Variants in GABRA1 observed in about 807,000 individuals in gnomAD.
GABRA1 encodes the protein gamma-aminobutyric acid type A receptor subunit alpha1, also known as gamma-aminobutyric acid receptor subunit alpha-1.
GABRA1 carries 9 observed loss-of-function variants against 48.9 expected under a neutral mutation model. The ratio of observed to expected loss-of-function variants is 0.18; its 90% CI spans 0.11 to 0.32. The LOEUF (loss-of-function observed/expected upper bound fraction) is 0.32. Ranked by LOEUF, GABRA1 falls within the 10% of genes least tolerant of loss-of-function variation. The pLI is 1.00. For missense variants in GABRA1, 285 were observed against 553.8 expected, an observed-to-expected ratio of 0.51 and a Z score of 4.87; for synonymous variants, 210 against 198.7, an observed-to-expected ratio of 1.06 and a Z score of -0.48.
At chr5:161,890,628 T>G (rs993819218) in intron 7 of GABRA1, among the ~76,000 whole-genome samples, 2 of 152,058 alleles carry the variant, frequency 1.3e-5, no homozygotes, top group African/African-American at 4.8e-5. Flanking sequence ...AAACTCAGAT[T>G]TGTTCCTCCA....
At chr5:161,856,644 G>A (rs1042302759) in intron 3 of GABRA1, among the ~76,000 whole-genome samples, 1 of 150,656 alleles carries the variant, frequency 6.6e-6, no homozygotes, top group Admixed American at 6.6e-5. Flanking sequence ...TGAGATTTAT[G>A]AAAAAAACTT....
At chr5:161,877,105 G>T (rs1754389708) in intron 6 of GABRA1, among the ~76,000 whole-genome samples, 1 of 151,948 alleles carries the variant, frequency 6.6e-6, no homozygotes, top group Admixed American at 6.6e-5. Flanking sequence ...TGGCTGATTT[G>T]TAACTTTTTT....
At chr5:161,848,690 GTCTT>G (rs1189576326) in intron 1 of GABRA1, 2 of 250,772 alleles carry the variant, frequency 8.0e-6, no homozygotes, top group Non-Finnish European at 1.6e-5. Flanking sequence ...TTTTCCCGCT[GTCTT>G]TCTTCTTTTC....
intron 6 of GABRA1, among the ~76,000 whole-genome samples, chr5:161,881,551 T>C (rs913751540): frequency 6.6e-6 from 1 of 152,172 alleles, no homozygotes; most frequent in Non-Finnish European, 1.5e-5. Flanking sequence ...ATAAGAAGGA[T>C]AATCAGTAGA....
intron 4 of GABRA1, among the ~76,000 whole-genome samples, chr5:161,866,169 A>G (rs1291919707): frequency 6.6e-6 from 1 of 152,108 alleles, no homozygotes; most frequent in East Asian, 1.9e-4. Flanking sequence ...ATGGCCATAA[A>G]CATTATGATT....
intron 4 of GABRA1, among the ~76,000 whole-genome samples, chr5:161,870,806 GT>G (rs1365829578): frequency 1.3e-5 from 2 of 152,162 alleles, no homozygotes; most frequent in East Asian, 3.9e-4. Context: ...CACAGGGAGA[GT>G]TCTCAGAAAT....
At chr5:161,887,265 A>G in intron 7 of GABRA1, among the ~76,000 whole-genome samples, 1 of 152,164 alleles carries the variant, frequency 6.6e-6, no homozygotes. Context: ...TCGTCTCTGC[A>G]TGAGTTGATG....
chr5:161,879,153 G>C (rs1754498553), intron 6 of GABRA1, among the ~76,000 whole-genome samples: 1 of 152,130 alleles, frequency 6.6e-6, no homozygotes, highest in South Asian at 2.1e-4. Flanking sequence ...CTGTTGCCCA[G>C]GCTGGAGTGC....
intron 4 of GABRA1, among the ~76,000 whole-genome samples, chr5:161,869,778 G>A (rs867082619): frequency 6.6e-6 from 1 of 152,144 alleles, no homozygotes; most frequent in South Asian, 2.1e-4. Flanking sequence ...CACTTGAGTG[G>A]TGGGGGCTGG....
intron 3 of GABRA1, among the ~76,000 whole-genome samples, chr5:161,857,590 A>G (rs1383467098): frequency 6.6e-6 from 1 of 151,648 alleles, no homozygotes; most frequent in Non-Finnish European, 1.5e-5. Context: ...AGGTATCTCC[A>G]GGAAGGGATT....
Position 161,897,356 on chromosome 5 carries a change from C to T in GABRA1, c.1305C>T (p.Asn435=), listed in dbSNP as rs1755416175. 5 of 1,614,046 alleles carry T rather than the reference C, an allele frequency of 3.1e-6. No individual in the cohort carries two copies. The highest frequency in any genetic ancestry group is 2.2e-5 in the South Asian group (2 of 91,088). Residue 435 remains asparagine, a synonymous_variant, in exon 10 of 10, where the codon AAC becomes AAT. Coordinates refer to ENST00000393943, the MANE Select transcript of GABRA1 (RefSeq NM_001127644.2). The part of the protein sequence containing the change: ...IAFPLLFGIF[N]LVYWATYLNR... Reference sequence around the variant, plus strand: ...TCCCGCTGCTATTTGGAATCTTTAACTTAGTCTACTGGGCTACGTATTTAA... The same window carrying T: ...TCCCGCTGCTATTTGGAATCTTTAATTTAGTCTACTGGGCTACGTATTTAA...
intron 1 of GABRA1, chr5:161,848,738 C>A: frequency 7.1e-6 from 2 of 283,584 alleles, no homozygotes; most frequent in Non-Finnish European, 1.4e-5. Context: ...TGAATGTATT[C>A]CGCAGGGTGG....
intron 3 of GABRA1, 36 bp from the exon 4 acceptor site, chr5:161,865,685 A>G (rs777851798): frequency 2.6e-6 from 4 of 1,562,952 alleles, no homozygotes; most frequent in East Asian, 2.2e-5. Flanking sequence ...AGGACGGTTG[A>G]CAGACACTCA....
intron 3 of GABRA1, among the ~76,000 whole-genome samples, chr5:161,861,059 C>T (rs945724184): frequency 1.3e-5 from 2 of 151,646 alleles, no homozygotes; most frequent in East Asian, 1.9e-4. Context: ...TCACAGAATG[C>T]CATTTTTGGA....
chr5:161,875,987 T>C (rs1489428490), intron 6 of GABRA1, among the ~76,000 whole-genome samples: 1 of 152,172 alleles, frequency 6.6e-6, no homozygotes, highest in Non-Finnish European at 1.5e-5. Context: ...GTGTCTATTT[T>C]ATATCTTTAC....
At position 161,865,770 on chromosome 5, in the gene GABRA1, C is replaced by T. The variant is rs536603724; in HGVS notation, c.237C>T (p.Pro79=). 6.8e-6 allele frequency: 11 copies of T among 1,612,412 alleles called. No homozygotes were observed. Among genetic ancestry groups the T allele is most frequent in the Admixed American group, 5.0e-5 (3 of 59,936 alleles). The change falls in exon 4 of 10, where the codon CCC becomes CCT. Residue 79 remains proline, a synonymous_variant. Coordinates refer to ENST00000393943, the MANE Select transcript of GABRA1 (RefSeq NM_001127644.2). ...ATATCTTCGTCACCAGTTTCGGACC[C>T]GTTTCAGACCATGATATGGTAAGTG... ...KTDIFVTSFG[P]VSDHDMEYTI...
chr5:161,849,514 G>T (rs984020773), intron 1 of GABRA1, among the ~76,000 whole-genome samples: 5 of 151,902 alleles, frequency 3.3e-5, no homozygotes, highest in Admixed American at 3.3e-4. Flanking sequence ...AGACCATTTC[G>T]CTCTAAACAT....
intron 8 of GABRA1, among the ~76,000 whole-genome samples, chr5:161,891,345 TA>T (rs1201605401): frequency 6.6e-6 from 1 of 152,090 alleles, no homozygotes; most frequent in African/African-American, 2.4e-5. Context: ...AACTCATAAA[TA>T]AAAACTTAAT....
intron 3 of GABRA1, among the ~76,000 whole-genome samples, chr5:161,855,727 C>T (rs1757621117): frequency 6.6e-6 from 1 of 151,106 alleles, no homozygotes; most frequent in African/African-American, 2.4e-5. Flanking sequence ...AATAGCCAGG[C>T]TAGTGATATA....
Sources: gnomAD v4.1 joint callset for allele counts (sites outside exome capture counted in the v4.1 genomes callset) on GRCh38, gnomAD v4.1.1 for gene constraint, MANE v1.5 for transcripts, NCBI Gene and HGNC (gene_info 2026-07-23, HGNC 2026-07-21) for gene names.